CDH13: variants seen among roughly 807,000 people sequenced by gnomAD.
CDH13 encodes the protein cadherin-13.
Under a neutral mutation model 63.8 loss-of-function variants are expected in CDH13, and 24 were observed. The observed-to-expected ratio is 0.38, with a 90% CI of 0.27 to 0.53. The LOEUF (loss-of-function observed/expected upper bound fraction) is 0.53. CDH13 is among the 20% of genes least tolerant of loss of function. The probability of loss-of-function intolerance (pLI) is 0.85; values close to 1 mark genes in which losing one functional copy is unlikely to be tolerated. For missense variants in CDH13, 1,049 were observed against 903.1 expected (o/e 1.16, Z -2.07); for synonymous variants, 503 against 355.3 (o/e 1.42, Z -4.67).
At chr16:83,248,285 C>A (rs559523594) in intron 5 of CDH13, among the ~76,000 whole-genome samples, 16 of 152,258 alleles carry the variant, frequency 1.1e-4, no homozygotes, top group African/African-American at 3.4e-4. Flanking sequence ...GAAGGAGAAA[C>A]AGAGGCAGGG....
intron 1 of CDH13, among the ~76,000 whole-genome samples, chr16:82,802,815 G>T (rs965553558): frequency 6.6e-6 from 1 of 152,176 alleles, no homozygotes; most frequent in Admixed American, 6.5e-5. Context: ...TGCACTGTAA[G>T]TTACCAAGGA....
chr16:83,633,285 A>G (rs1910945210), intron 8 of CDH13, among the ~76,000 whole-genome samples: 1 of 152,164 alleles, frequency 6.6e-6, no homozygotes, highest in Non-Finnish European at 1.5e-5. Context: ...TCTGACAGAT[A>G]CTGCATCCAT....
intron 1 of CDH13, among the ~76,000 whole-genome samples, chr16:82,819,991 G>A (rs1030362431): frequency 6.6e-6 from 1 of 152,126 alleles, no homozygotes; most frequent in Non-Finnish European, 1.5e-5. Context: ...GTGGTTCCGA[G>A]AGACAGCGGC....
intron 2 of CDH13, among the ~76,000 whole-genome samples, chr16:82,992,292 GT>G (rs1256294608): frequency 6.6e-6 from 1 of 152,096 alleles, no homozygotes; most frequent in African/African-American, 2.4e-5. Context: ...TCAAATTTTC[GT>G]GGGCATCAGA....
chr16:82,654,978 G>A (rs1299574851), intron 1 of CDH13, among the ~76,000 whole-genome samples: 1 of 152,156 alleles, frequency 6.6e-6, no homozygotes, highest in African/African-American at 2.4e-5. Context: ...TGGAGCTGGT[G>A]GTCCCAGATT....
rs1284119085 is a variant in CDH13 at position 83,081,826 on chromosome 16, G to A, written c.367-43559G>A. On this transcript the variant is annotated intron_variant, in intron 3 of 13. Coordinates refer to ENST00000567109, the MANE Select transcript of CDH13 (RefSeq NM_001257.5). ...ATTACCTTTTTTTTTTTGAGACAGA[G>A]TTTGGCTCTTGTTGTCCAGGCTGGA... is the stretch of plus-strand genomic sequence containing the variant. 2.0e-5 allele frequency among the ~76,000 whole-genome samples: 3 copies of A among 151,724 alleles called. No individual in the cohort carries two copies. The South Asian group carries it at 6.2e-4, about 32-fold the overall frequency.
intron 4 of CDH13, among the ~76,000 whole-genome samples, chr16:83,189,392 C>T (rs1341768422): frequency 6.6e-6 from 1 of 152,196 alleles, no homozygotes; most frequent in Non-Finnish European, 1.5e-5. Context: ...TCATGCTATT[C>T]TCAACCTCTG....
At chr16:83,283,412 G>A (rs990000969) in intron 5 of CDH13, among the ~76,000 whole-genome samples, 2 of 152,164 alleles carry the variant, frequency 1.3e-5, no homozygotes, top group Non-Finnish European at 2.9e-5. Flanking sequence ...CCAACATGGT[G>A]AAACCCTGTC....
intron 1 of CDH13, among the ~76,000 whole-genome samples, chr16:82,788,617 C>A (rs893928912): frequency 2.0e-5 from 3 of 152,198 alleles, no homozygotes; most frequent in Non-Finnish European, 2.9e-5. Flanking sequence ...TAGCACAGAG[C>A]ATTTGTATGA....
At chr16:83,100,939 A>C (rs76929602) in intron 3 of CDH13, among the ~76,000 whole-genome samples, 1 of 152,300 alleles carries the variant, frequency 6.6e-6, no homozygotes, top group African/African-American at 2.4e-5. Context: ...AAGTTGCATA[A>C]TAGATACTCA....
intron 7 of CDH13, among the ~76,000 whole-genome samples, chr16:83,565,383 C>CTTTCTTT (rs1555574169): frequency 7.7e-6 from 1 of 130,612 alleles, no homozygotes; most frequent in African/African-American, 2.9e-5. Context: ...TTCCACTGTT[C>CTTTCTTT]TTTTTTTTTT....
chr16:83,659,264 C>G (rs1355128187), intron 8 of CDH13, among the ~76,000 whole-genome samples: 3 of 150,970 alleles, frequency 2.0e-5, no homozygotes, highest in Non-Finnish European at 3.0e-5. Flanking sequence ...GTCCCATGTC[C>G]TCACCAGCAA....
chr16:83,268,642 G>T (rs933948300), intron 5 of CDH13, among the ~76,000 whole-genome samples: 1 of 152,158 alleles, frequency 6.6e-6, no homozygotes, highest in Non-Finnish European at 1.5e-5. Context: ...ATTTCAATGG[G>T]TGTCGCATCC....
intron 2 of CDH13, among the ~76,000 whole-genome samples, chr16:82,949,542 A>G (rs1252884307): frequency 6.6e-6 from 1 of 152,182 alleles, no homozygotes; most frequent in East Asian, 1.9e-4. Context: ...AGTTCTTAAT[A>G]GGGTCAATAT....
At chr16:83,770,394 G>A (rs1914681891) in intron 11 of CDH13, among the ~76,000 whole-genome samples, 1 of 152,176 alleles carries the variant, frequency 6.6e-6, no homozygotes, top group South Asian at 2.1e-4. Context: ...CCAGGGATGG[G>A]GATGCCCTGC....
intron 2 of CDH13, chr16:82,953,882 T>G (rs1380849413): frequency 6.6e-6 from 1 of 152,200 alleles, no homozygotes; most frequent in Non-Finnish European, 1.5e-5. Context: ...TAACAATTAT[T>G]AAGTGGCCAG....
At chr16:83,248,894 T>C (rs117704771) in intron 5 of CDH13, among the ~76,000 whole-genome samples, 8 of 152,210 alleles carry the variant, frequency 5.3e-5, no homozygotes, top group African/African-American at 1.9e-4. Context: ...TGTGATGTGA[T>C]CTTCCCCTTG....
intron 3 of CDH13, among the ~76,000 whole-genome samples, chr16:83,094,948 G>A (rs2034121575): frequency 6.6e-6 from 1 of 152,156 alleles, no homozygotes; most frequent in Non-Finnish European, 1.5e-5. Flanking sequence ...TCATCATCCT[G>A]TGTACACCTT....
chr16:83,468,683 T>A (rs1279381129), intron 6 of CDH13, among the ~76,000 whole-genome samples: 1 of 152,214 alleles, frequency 6.6e-6, no homozygotes, highest in Non-Finnish European at 1.5e-5. Context: ...CCTTTCTGTC[T>A]CTTTTCACCG....
Sources: allele counts gnomAD v4.1 joint callset (sites outside exome capture counted in the v4.1 genomes callset), GRCh38; gene constraint gnomAD v4.1.1; transcripts MANE v1.5; gene names NCBI Gene and HGNC (gene_info 2026-07-23, HGNC 2026-07-21).